LRRTM4: variants seen among roughly 807,000 people sequenced by gnomAD.
LRRTM4 encodes the protein leucine-rich repeat transmembrane neuronal protein 4.
A neutral mutation model predicts 47.6 loss-of-function variants in LRRTM4; 25 were observed. The ratio of observed to expected loss-of-function variants is 0.53; its 90% confidence interval spans 0.38 to 0.73. The LOEUF is 0.73. Ranked by LOEUF, LRRTM4 falls within the 30% of genes least tolerant of loss-of-function variation. The probability of loss-of-function intolerance (pLI) is 0.00; values close to 1 mark genes in which losing one functional copy is unlikely to be tolerated. For missense variants in LRRTM4, 638 were observed against 713.4 expected, an observed-to-expected ratio of 0.89 and a Z score of 1.20; for synonymous variants, 311 against 269.5, an observed-to-expected ratio of 1.15 and a Z score of -1.51.
chr2:77,388,888 A>G (rs1265244782), intron 3 of LRRTM4, among the ~76,000 whole-genome samples: 2 of 152,078 alleles, frequency 1.3e-5, no homozygotes, highest in African/African-American at 4.8e-5. Flanking sequence ...AAAGTTTCAT[A>G]TATAATGCAA....
intron 3 of LRRTM4, among the ~76,000 whole-genome samples, chr2:76,800,534 T>C (rs543073030): frequency 2.0e-5 from 3 of 147,776 alleles, no homozygotes; most frequent in East Asian, 2.0e-4. Flanking sequence ...ATTTAGGACA[T>C]AGGCATGGGC....
intron 3 of LRRTM4, among the ~76,000 whole-genome samples, chr2:77,003,992 G>C (rs1677536272): frequency 6.6e-6 from 1 of 152,140 alleles, no homozygotes; most frequent in South Asian, 2.1e-4. Context: ...GTAGCGTTTT[G>C]CCACTGTCCT....
rs924666984 is a variant in LRRTM4, at chr2:77,328,632, A to T, written c.1551+189686T>A. Among the ~76,000 whole-genome samples, 29 of 152,196 alleles carry T rather than the reference A, an allele frequency of 1.9e-4. 1 individual carries two copies. The highest frequency in any genetic ancestry group is 6.5e-4 in the African/African-American group (27 of 41,446). ...AAAACTATAACTTCTCAAATATTTTATACATTCATGTGCAAAATGTGAAGC... is the reference window on the plus strand; with the variant it reads ...AAAACTATAACTTCTCAAATATTTTTTACATTCATGTGCAAAATGTGAAGC... On this transcript the variant is annotated intron_variant, in intron 3 of 3. Coordinates refer to ENST00000409884, the MANE Select transcript of LRRTM4 (RefSeq NM_001134745.3).
intron 3 of LRRTM4, among the ~76,000 whole-genome samples, chr2:77,024,280 CTT>C (rs1370284552): frequency 1.3e-5 from 2 of 152,112 alleles, no homozygotes; most frequent in African/African-American, 2.4e-5. Context: ...CTGTTCTACT[CTT>C]TGTTTCTATA....
intron 3 of LRRTM4, among the ~76,000 whole-genome samples, chr2:76,783,465 C>T (rs1011541218): frequency 3.3e-5 from 5 of 151,890 alleles, no homozygotes; most frequent in Admixed American, 1.3e-4. Flanking sequence ...CATTGTTGTG[C>T]CACATCATGA....
intron 3 of LRRTM4, among the ~76,000 whole-genome samples, chr2:77,268,931 C>A (rs1676122513): frequency 6.6e-6 from 1 of 152,156 alleles, no homozygotes; most frequent in Admixed American, 6.5e-5. Flanking sequence ...TCTGCTAAAT[C>A]ATAAGCTCCA....
At chr2:76,777,066 T>C (rs12990510) in intron 3 of LRRTM4, among the ~76,000 whole-genome samples, 1 of 139,232 alleles carries the variant, frequency 7.2e-6, no homozygotes, top group African/African-American at 2.7e-5. Flanking sequence ...ATCAGATAGT[T>C]GTAGATACGC....
chr2:77,291,708 T>A (rs998670211), intron 3 of LRRTM4, among the ~76,000 whole-genome samples: 1 of 152,124 alleles, frequency 6.6e-6, no homozygotes, highest in Non-Finnish European at 1.5e-5. Flanking sequence ...TTTTTTTATT[T>A]TGATAGATCT....
At chr2:76,944,827 C>T (rs1675269796) in intron 3 of LRRTM4, among the ~76,000 whole-genome samples, 1 of 151,894 alleles carries the variant, frequency 6.6e-6, no homozygotes, top group South Asian at 2.1e-4. Context: ...AAAAGAGTCT[C>T]GGAGTGATTT....
At chr2:77,137,079 C>A (rs1312732196) in intron 3 of LRRTM4, among the ~76,000 whole-genome samples, 2 of 151,712 alleles carry the variant, frequency 1.3e-5, no homozygotes, top group Non-Finnish European at 2.9e-5. Flanking sequence ...AGAACTTCCC[C>A]AACCTACCAA....
intron 3 of LRRTM4, among the ~76,000 whole-genome samples, chr2:77,413,957 A>G (rs1217243501): frequency 1.3e-5 from 2 of 152,138 alleles, no homozygotes; most frequent in East Asian, 1.9e-4. Flanking sequence ...TCAAACATCA[A>G]TGAGACTTTC....
At chr2:76,893,177 C>T (rs994339728) in intron 3 of LRRTM4, among the ~76,000 whole-genome samples, 2 of 151,378 alleles carry the variant, frequency 1.3e-5, no homozygotes, top group African/African-American at 4.8e-5. Context: ...CATCACAAAA[C>T]ATCCATTAGT....
At position 76,867,901 on chromosome 2, in the gene LRRTM4, A is replaced by G. The variant is rs1178774331; in HGVS notation, c.1552-118985T>C. Among the ~76,000 whole-genome samples, 4 of 152,188 alleles carry G rather than the reference A, an allele frequency of 2.6e-5. No individual in the cohort carries two copies. The East Asian group carries it at 7.7e-4, about 29-fold the overall frequency. On this transcript the variant is annotated intron_variant, in intron 3 of 3. Transcript: ENST00000409884. ...GGAAAAGAAAGTCCACCTAAGTCCC[A>G]GGAAACGTAGTACTGAGGTTTTGCT... is the stretch of plus-strand genomic sequence containing the variant.
chr2:77,048,520 G>A (rs1176596632), intron 3 of LRRTM4, among the ~76,000 whole-genome samples: 2 of 151,904 alleles, frequency 1.3e-5, no homozygotes, highest in African/African-American at 2.4e-5. Context: ...TTAAAACCAT[G>A]CTGGAAAAGA....
At chr2:76,894,199 T>G (rs983507936) in intron 3 of LRRTM4, among the ~76,000 whole-genome samples, 2 of 151,988 alleles carry the variant, frequency 1.3e-5, no homozygotes, top group African/African-American at 4.8e-5. Flanking sequence ...ATGCAGTAGT[T>G]TCCCTCAGAA....
intron 3 of LRRTM4, among the ~76,000 whole-genome samples, chr2:77,141,522 A>T: frequency 6.6e-6 from 1 of 152,244 alleles, no homozygotes; most frequent in Non-Finnish European, 1.5e-5. Context: ...CCTAATGTAA[A>T]TGATGAGTTA....
At chr2:77,149,266 A>T (rs1672352881) in intron 3 of LRRTM4, among the ~76,000 whole-genome samples, 1 of 152,166 alleles carries the variant, frequency 6.6e-6, no homozygotes, top group Admixed American at 6.6e-5. Flanking sequence ...AAAATACAAT[A>T]TTTTAGACAT....
At chr2:77,331,864 C>G (rs1341960082) in intron 3 of LRRTM4, among the ~76,000 whole-genome samples, 1 of 152,036 alleles carries the variant, frequency 6.6e-6, no homozygotes, top group Non-Finnish European at 1.5e-5. Context: ...GAAACATGTG[C>G]AATGGTGGTT....
At chr2:76,905,878 C>A (rs1214563242) in intron 3 of LRRTM4, among the ~76,000 whole-genome samples, 2 of 152,082 alleles carry the variant, frequency 1.3e-5, no homozygotes, top group Non-Finnish European at 2.9e-5. Flanking sequence ...GATTGGTGTA[C>A]CTGAAAGTGA....
Sources: gnomAD v4.1 joint callset for allele counts (sites outside exome capture counted in the v4.1 genomes callset) on GRCh38, gnomAD v4.1.1 for gene constraint, MANE v1.5 for transcripts, NCBI Gene and HGNC (gene_info 2026-07-23, HGNC 2026-07-21) for gene names.